Variants in TRPM8 observed in about 807,000 individuals in gnomAD.
TRPM8 encodes the protein TRPM8 cationic channel.
Under a neutral mutation model 133.7 loss-of-function variants are expected in TRPM8, and 110 were observed. The ratio of observed to expected loss-of-function variants is 0.82; its 90% CI spans 0.70 to 0.96. The LOEUF is 0.96. Among genes scored for constraint, TRPM8 ranks in the 40% least tolerant of loss-of-function variants. The probability of loss-of-function intolerance (pLI) is 0.00; values close to 1 mark genes in which losing one functional copy is unlikely to be tolerated. For synonymous variants in TRPM8, 535 were observed against 532.3 expected, an observed-to-expected ratio of 1.01 and a Z score of -0.07; for missense variants, 1,291 against 1,379.5, an observed-to-expected ratio of 0.94 and a Z score of 1.02.
At chr2:233,918,172 C>T (rs1269638636) in intron 1 of TRPM8, among the ~76,000 whole-genome samples, 3 of 151,956 alleles carry the variant, frequency 2.0e-5, no homozygotes, top group Admixed American at 2.0e-4. Flanking sequence ...TACAAAGATA[C>T]TGATCATGAG....
chr2:233,957,950 T>C (rs1030298227), intron 11 of TRPM8, among the ~76,000 whole-genome samples: 5 of 152,242 alleles, frequency 3.3e-5, no homozygotes, highest in Non-Finnish European at 7.3e-5. Flanking sequence ...GTTATGATGA[T>C]TAAATCAGAT....
At chr2:233,977,644 G>A (rs1037093758) in intron 17 of TRPM8, among the ~76,000 whole-genome samples, 21 of 152,242 alleles carry the variant, frequency 1.4e-4, no homozygotes, top group African/African-American at 4.1e-4. Context: ...CCAGCAAAGC[G>A]GACAGTTCCT....
intron 11 of TRPM8, among the ~76,000 whole-genome samples, chr2:233,955,810 G>A (rs988142358): frequency 6.6e-6 from 1 of 152,148 alleles, no homozygotes; most frequent in East Asian, 1.9e-4. Flanking sequence ...AGCAGTGGGC[G>A]AGCAAGTGAA....
chr2:233,953,361 G>A (rs866154845), intron 9 of TRPM8, among the ~76,000 whole-genome samples: 42 of 152,192 alleles, frequency 2.8e-4, no homozygotes, highest in African/African-American at 9.2e-4. Context: ...CCAAGCTCCA[G>A]CTGGGCTCGC....
chr2:233,972,491 C>T lies in TRPM8; in HGVS notation c.2355+2065C>T, dbSNP rs577863255. On this transcript the variant is annotated intron_variant, in intron 17 of 25. Coordinates refer to ENST00000324695, the MANE Select transcript of TRPM8 (RefSeq NM_024080.5). ...CCGCACTCCTCAGCCCTTGGGTGGT[C>T]GATGGGACTGGGCGCCATGGAGCAG... is the stretch of plus-strand genomic sequence containing the variant. 5.3e-5 allele frequency among the ~76,000 whole-genome samples: 8 copies of T among 152,316 alleles called. No individual in the cohort carries two copies. The South Asian group carries it at 6.2e-4, about 12-fold the overall frequency.
chr2:233,937,656 G>C, intron 4 of TRPM8, 147 bp downstream of exon 4: 1 of 993,888 alleles, frequency 1.0e-6, no homozygotes, highest in Non-Finnish European at 1.5e-6. Flanking sequence ...GATACATCTT[G>C]TAAAAGCCAA....
In TRPM8 at chr2:233,937,592, T is replaced by C. The variant is rs575862476; in HGVS notation, c.348+83T>C. On this transcript the variant is annotated intron_variant, in intron 4 of 25. Coordinates refer to ENST00000324695, the MANE Select transcript of TRPM8 (RefSeq NM_024080.5). ...CCTTGATTTACTTGGAATTGTCTAA[T>C]AGGATGGAGGCAGGAGAGATGGGTA... The C allele has an allele frequency of 1.3e-5, 19 of 1,483,160 alleles. No individual in the cohort carries two copies. In the African/African-American group the frequency reaches 2.0e-4, roughly 15 times the overall value. 91.9% of individuals were successfully genotyped at this position (1,483,160 alleles called of 1,614,324 possible). A position where few individuals can be genotyped will look rare whatever the true frequency, so the allele number is the denominator to read the frequency against.
intron 6 of TRPM8, chr2:233,943,108 G>GTT (rs575082499): frequency 1.5e-4 from 36 of 237,524 alleles, no homozygotes; most frequent in Non-Finnish European, 2.0e-4. Flanking sequence ...GGATGGCTAT[G>GTT]TTTTTTTTTT....
chr2:234,003,644 A>G (rs568667294), intron 22 of TRPM8, among the ~76,000 whole-genome samples: 1 of 152,352 alleles, frequency 6.6e-6, no homozygotes, highest in African/African-American at 2.4e-5. Context: ...AAAACCTACA[A>G]GCATCATACT....
At chr2:233,944,829 C>T (rs992264190) in intron 6 of TRPM8, among the ~76,000 whole-genome samples, 4 of 152,074 alleles carry the variant, frequency 2.6e-5, no homozygotes, top group Non-Finnish European at 5.9e-5. Context: ...TTACTATGTA[C>T]TAGGTTCTAT....
chr2:234,013,840 T>C (rs768389840), intron 24 of TRPM8: 6 of 152,168 alleles, frequency 3.9e-5, no homozygotes, highest in Admixed American at 2.0e-4. Flanking sequence ...TTAGCACTTA[T>C]AGTTTCATTT....
At chr2:234,014,536 G>A in intron 24 of TRPM8, 26 bp from the exon 25 acceptor site, 1 of 1,465,520 alleles carries the variant, frequency 6.8e-7, no homozygotes, top group Non-Finnish European at 9.2e-7. Flanking sequence ...ATCTTAAGAT[G>A]AGTTCTATTT....
intron 12 of TRPM8, 55 bp from the exon 13 acceptor site, chr2:233,963,227 T>C (rs1249764713): frequency 5.5e-6 from 7 of 1,274,426 alleles, no homozygotes; most frequent in South Asian, 2.6e-5. Context: ...TAGGGCTTCC[T>C]GATCCCAGAA....
Position 233,960,829 on chromosome 2 carries a change from GT to G in TRPM8, c.1419del (p.Phe473LeufsTer10). The stretch of plus-strand genomic sequence containing the variant: ...CGGCTCTCATAAAGGACAGACCCAA[GT>G]TTGTCCGCCTCTTTCTGGAGAATGG... ...FTALIKDRPK[F>X]VRLFLENGLN... On this transcript the variant is annotated frameshift_variant, in exon 12 of 26. Transcript: ENST00000324695. LOFTEE classifies it high-confidence loss of function. 1 of 1,614,164 alleles carries G rather than the reference GT, an allele frequency of 6.2e-7. No individual in the cohort carries two copies. Among genetic ancestry groups the G allele is most frequent in the Non-Finnish European group, 8.5e-7 (1 of 1,180,034 alleles).
Position 233,958,285 on chromosome 2 carries a change from C to T in TRPM8, c.1363-2491C>T, listed in dbSNP as rs952254526. The stretch of plus-strand genomic sequence containing the variant: ...CCATCTATTTCTTAGAAGAGCAAAC[C>T]GAGGCTCAGAGACACAATAATCCAG... On this transcript the variant is annotated intron_variant, in intron 11 of 25. Transcript: ENST00000324695. Among the ~76,000 whole-genome samples, 7 of 152,234 alleles carry T rather than the reference C, an allele frequency of 4.6e-5. No individual in the cohort carries two copies. The South Asian group carries it at 8.3e-4, about 18-fold the overall frequency.
intron 19 of TRPM8, among the ~76,000 whole-genome samples, chr2:233,982,698 G>A (rs1038928491): frequency 6.6e-6 from 1 of 152,202 alleles, no homozygotes; most frequent in African/African-American, 2.4e-5. Context: ...TAATTTTGGG[G>A]TTAAAAGTGT....
chr2:234,007,013 C>A, intron 23 of TRPM8, 61 bp downstream of exon 23: 1 of 1,286,684 alleles, frequency 7.8e-7, no homozygotes, highest in Non-Finnish European at 1.1e-6. Context: ...GCCCATAGAA[C>A]GTAGGCAGCT....
intron 4 of TRPM8, 130 bp from the exon 5 acceptor site, chr2:233,938,868 C>T (rs1690828461): frequency 1.0e-6 from 1 of 985,960 alleles, no homozygotes; most frequent in Admixed American, 2.7e-5. Context: ...ATGCCGCGAT[C>T]CCTGCTGCCC....
chr2:234,012,849 C>T (rs1039926869), intron 24 of TRPM8, among the ~76,000 whole-genome samples: 1 of 151,408 alleles, frequency 6.6e-6, no homozygotes, highest in Non-Finnish European at 1.5e-5. Flanking sequence ...ATTTTGTCAA[C>T]TACTTTTTCT....
Sources: gnomAD v4.1 joint callset for allele counts (sites outside exome capture counted in the v4.1 genomes callset) on GRCh38, gnomAD v4.1.1 for gene constraint, MANE v1.5 for transcripts, NCBI Gene and HGNC (gene_info 2026-07-23, HGNC 2026-07-21) for gene names.